The following CCDC57 variants were observed in gnomAD, a reference collection of about 807,000 sequenced individuals.
The protein encoded by CCDC57 is coiled-coil domain-containing protein 57.
Under a neutral mutation model 118.9 loss-of-function variants are expected in CCDC57, and 118 were observed. That is an observed-to-expected ratio of 0.99 (90% CI 0.86 to 1.16). The LOEUF is 1.16. Among genes scored for constraint, CCDC57 ranks in the 50% most tolerant of loss-of-function variants. The pLI, the probability that CCDC57 is intolerant of heterozygous loss-of-function variation, is 0.00. For missense variants in CCDC57, 1,300 were observed against 1,320.7 expected, an observed-to-expected ratio of 0.98 and a Z score of 0.24; for synonymous variants, 527 against 532.9, an observed-to-expected ratio of 0.99 and a Z score of 0.15.
At chr17:82,155,198 A>G (rs1487413340) in intron 15 of CCDC57, 1 of 152,274 alleles carries the variant, frequency 6.6e-6, no homozygotes, top group Admixed American at 6.5e-5. Flanking sequence ...TCCCTTGGAA[A>G]TAAGAAGTCA....
In CCDC57 at chr17:82,212,616, C is replaced by G. The variant is rs957744186; in HGVS notation, c.-211+169G>C. ...CCCGCCGCAGCCTCCGCGAGGGGAT[C>G]CCCGGTCCGGGCCTGGCCGAGCTCT... On this transcript the variant is annotated intron_variant, in intron 1 of 19. Transcript: ENST00000665763. The surrounding 1 kb of genome is among the most constrained non-coding windows in gnomAD (Gnocchi z 4.1). Among the ~76,000 whole-genome samples, 1 of 151,920 alleles carries G rather than the reference C, an allele frequency of 6.6e-6. No individual in the cohort carries two copies. Among genetic ancestry groups the G allele is most frequent in the South Asian group, 2.1e-4 (1 of 4,820 alleles).
At position 82,122,316 on chromosome 17, in the gene CCDC57, C is replaced by T. The variant is rs969439585; in HGVS notation, c.2899+5376G>A. 4.0e-5 allele frequency among the ~76,000 whole-genome samples: 6 copies of T among 151,562 alleles called. No individual in the cohort carries two copies. The East Asian group carries it at 9.7e-4, about 24-fold the overall frequency. Reference sequence around the variant, plus strand: ...TCCCTGGGGCCTGTGCACTCCCGCACGGTGGAGGCTGCCCTGGCCACTGCT... The same window carrying T: ...TCCCTGGGGCCTGTGCACTCCCGCATGGTGGAGGCTGCCCTGGCCACTGCT... On this transcript the variant is annotated intron_variant, in intron 19 of 19. Transcript: ENST00000665763.
chr17:82,134,369 T>G (rs932223674), intron 16 of CCDC57, 175 bp from the exon 16 acceptor site: 9 of 490,720 alleles, frequency 1.8e-5, no homozygotes, highest in Non-Finnish European at 2.9e-5. Flanking sequence ...ACACAGCATT[T>G]CGGTAGAGCT....
Position 82,172,566 on chromosome 17 carries a change from T to C in CCDC57, c.1729+72A>G. ...CCTCCTTGAAGCCAGTCAAGACCCA[T>C]GCTCCCGTCTGTCCTCCTCCCTCCC... On this transcript the variant is annotated intron_variant, in intron 12 of 19. Coordinates refer to ENST00000665763, the Ensembl canonical transcript of CCDC57. This position sits in a 1 kb window ranked among gnomAD's most constrained non-coding sequence, Gnocchi z 5.2. 2.3e-6 allele frequency: 3 copies of C among 1,309,188 alleles called. No individual in the cohort carries two copies. Among genetic ancestry groups the C allele is most frequent in the Non-Finnish European group, 3.2e-6 (3 of 930,178 alleles). The allele number at this position is 1,309,188 out of a possible 1,614,324, so 81.1% of individuals were successfully genotyped here.
intron 17 of CCDC57, among the ~76,000 whole-genome samples, chr17:82,130,210 T>G (rs2038119078): frequency 6.6e-6 from 1 of 151,988 alleles, no homozygotes. Flanking sequence ...ACATTTTTTT[T>G]TGAGACACAG....
At chr17:82,101,570 T>G in exon 20 of CCDC57, 1 of 930,822 alleles carries the variant, frequency 1.1e-6, no homozygotes, top group Non-Finnish European at 1.6e-6. Flanking sequence ...TGCAGCTCCC[T>G]GCCTCCACCC....
chr17:82,103,823 C>CGGGGCAGGGA lies in CCDC57; in HGVS notation c.2900-1967_2900-1958dup, dbSNP rs59005363. On this transcript the variant is annotated intron_variant, in intron 19 of 19. Coordinates refer to ENST00000665763, the Ensembl canonical transcript of CCDC57. ...GGAGGTGTGAGTGGGTCACAGTCCC[C>CGGGGCAGGGA]GGGGCAGGGAGGGGCAGGGAGGGGC... 2.3e-3 allele frequency among the ~76,000 whole-genome samples: 344 copies of CGGGGCAGGGA among 148,796 alleles called. 8 individuals carry two copies. The highest frequency in any genetic ancestry group is 0.017 in the Admixed American group (265 of 15,156).
At chr17:82,130,147 G>A (rs2038110497) in intron 17 of CCDC57, among the ~76,000 whole-genome samples, 1 of 152,098 alleles carries the variant, frequency 6.6e-6, no homozygotes, top group Non-Finnish European at 1.5e-5. Context: ...GCTGCAGTGA[G>A]CTGTGATGTC....
chr17:82,127,941 C>A (rs773252035), intron 18 of CCDC57, 33 bp from the exon 18 acceptor site: 3 of 1,607,074 alleles, frequency 1.9e-6, no homozygotes, highest in South Asian at 2.2e-5. Flanking sequence ...GAAAGCCACC[C>A]TCTCCAACCC....
At chr17:82,102,879 C>T (rs2034553307) in intron 19 of CCDC57, among the ~76,000 whole-genome samples, 1 of 143,378 alleles carries the variant, frequency 7.0e-6, no homozygotes, top group Non-Finnish European at 1.5e-5. Flanking sequence ...AGGGCAAACT[C>T]TATCTCAAAA....
At chr17:82,180,175 C>T (rs1209285589) in intron 9 of CCDC57, among the ~76,000 whole-genome samples, 5 of 152,248 alleles carry the variant, frequency 3.3e-5, no homozygotes, top group Admixed American at 6.5e-5. Context: ...GGACTGAGGA[C>T]GCCGCTAGGG....
intron 19 of CCDC57, among the ~76,000 whole-genome samples, chr17:82,103,837 G>A (rs868412584): frequency 3.0e-4 from 45 of 149,122 alleles, no homozygotes; most frequent in African/African-American, 1.1e-3. Flanking sequence ...GCAGGGAGGG[G>A]CAGGGAGGGG....
rs1447298942 is a variant in CCDC57 at position 82,188,434 on chromosome 17, G to A, written c.852-15C>T. ...GCTCCTCATGCCTGAAACACAGTGAGTGTCCCATGGCGCTCACCCAGCCCC... is the reference window on the plus strand; with the variant it reads ...GCTCCTCATGCCTGAAACACAGTGAATGTCCCATGGCGCTCACCCAGCCCC... On this transcript the variant is annotated splice_polypyrimidine_tract_variant and intron_variant, in intron 7 of 19. Coordinates refer to ENST00000665763, the Ensembl canonical transcript of CCDC57. 1 of 1,605,128 alleles carries A rather than the reference G, an allele frequency of 6.2e-7. No individual in the cohort carries two copies. The highest frequency in any genetic ancestry group is 1.7e-5 in the Admixed American group (1 of 59,538).
At chr17:82,114,586 C>T (rs1228546850) in intron 19 of CCDC57, among the ~76,000 whole-genome samples, 1 of 152,214 alleles carries the variant, frequency 6.6e-6, no homozygotes, top group African/African-American at 2.4e-5. Flanking sequence ...CAGAGGCTGG[C>T]AGCCCCTGCA....
At chr17:82,156,039 T>TAATCCCAC (rs1485049320) in intron 15 of CCDC57, 1 of 152,288 alleles carries the variant, frequency 6.6e-6, no homozygotes, top group African/African-American at 2.4e-5. Context: ...ATCCCACCTG[T>TAATCCCAC]AATCCCACCA....
intron 16 of CCDC57, among the ~76,000 whole-genome samples, chr17:82,134,571 C>T (rs1406097080): frequency 6.6e-6 from 1 of 152,058 alleles, no homozygotes; most frequent in Non-Finnish European, 1.5e-5. Flanking sequence ...AGGCAGGTTG[C>T]TCACTTGAGG....
intron 19 of CCDC57, chr17:82,113,461 C>T (rs1202993121): frequency 8.4e-6 from 6 of 717,486 alleles, no homozygotes; most frequent in Non-Finnish European, 1.3e-5. Flanking sequence ...TCCTCTCCTT[C>T]CTGGACAGCA....
chr17:82,125,941 G>C (rs2037365948), intron 19 of CCDC57, among the ~76,000 whole-genome samples: 1 of 152,158 alleles, frequency 6.6e-6, no homozygotes, highest in South Asian at 2.1e-4. Flanking sequence ...TGCGGGAAGT[G>C]TGAGCGATGG....
exon 14 of CCDC57, chr17:82,163,297 G>T (rs2043575492): frequency 1.2e-6 from 2 of 1,614,050 alleles, no homozygotes; most frequent in Admixed American, 3.3e-5. Flanking sequence ...AGCTTGGACA[G>T]ATCCTCCTGC....
Sources: gnomAD v4.1 joint callset for allele counts (sites outside exome capture counted in the v4.1 genomes callset) on GRCh38, gnomAD v4.1.1 for gene constraint, Gnocchi (gnomAD v3.1) non-coding constraint, MANE v1.5 for transcripts, NCBI Gene and HGNC (gene_info 2026-07-23, HGNC 2026-07-21) for gene names.